ODR4: variants seen among roughly 807,000 people sequenced by gnomAD.
The protein encoded by ODR4 is odr-4 GPCR localization factor homolog, also known as protein odr-4 homolog.
A neutral mutation model predicts 60.2 loss-of-function variants in ODR4; 47 were observed. The ratio of observed to expected loss-of-function variants is 0.78; its 90% confidence interval spans 0.62 to 1.00. The LOEUF (loss-of-function observed/expected upper bound fraction) is 1.00. ODR4 is among the 50% of genes least tolerant of loss of function. The pLI is 0.00. For missense variants in ODR4, 488 were observed against 530.8 expected (o/e 0.92, Z 0.79); for synonymous variants, 178 against 175.5 (o/e 1.01, Z -0.11).
chr1:186,391,031 A>G (rs1002425563), intron 7 of ODR4, among the ~76,000 whole-genome samples, 180 bp downstream of exon 7: 16 of 152,218 alleles, frequency 1.1e-4, no homozygotes, highest in African/African-American at 2.4e-4. Flanking sequence ...TAGAAGTGGA[A>G]CAATGTCATA....
Position 186,394,095 on chromosome 1 carries a change from A to G in ODR4, c.780+80A>G. On this transcript the variant is annotated intron_variant, in intron 9 of 13. Transcript: ENST00000287859. ...TGTTTCTGTTTTTATTTTTCTCATT[A>G]GAGAATAAAAGGATTTTAGAGCTGT... The G allele has an allele frequency of 3.5e-6, 3 of 850,290 alleles. No individual in the cohort carries two copies. The South Asian group carries it at 5.1e-5, about 14-fold the overall frequency. The allele number at this position is 850,290 out of a possible 1,614,324, so 52.7% of individuals were successfully genotyped here.
At chr1:186,377,070 G>A (rs1659804782) in intron 1 of ODR4, among the ~76,000 whole-genome samples, 1 of 152,066 alleles carries the variant, frequency 6.6e-6, no homozygotes, top group South Asian at 2.1e-4. Context: ...TGAAATCCAT[G>A]GATGCTCCAG....
chr1:186,421,057 A>G lies in ODR4; in HGVS notation c.*1981A>G, dbSNP rs1027018335. On this transcript the variant is annotated 3_prime_UTR_variant, in exon 14 of 14. Coordinates refer to ENST00000287859, the MANE Select transcript of ODR4 (RefSeq NM_017847.6). ...CTTAGTAGGCTTCCTAACAGCAACA[A>G]TGTACCCAAAAGAGGGTAGAATTCT... 4.6e-5 allele frequency: 7 copies of G among 152,206 alleles called. No individual in the cohort carries two copies. The highest frequency in any genetic ancestry group is 2.1e-4 in the South Asian group (1 of 4,834). 9.4% of individuals were successfully genotyped at this position (152,206 alleles called of 1,614,324 possible).
chr1:186,395,292 A>G (rs1003066772), intron 9 of ODR4, among the ~76,000 whole-genome samples: 1 of 151,870 alleles, frequency 6.6e-6, no homozygotes. Context: ...GACGGGTTTC[A>G]CTGTGTTAGC....
At chr1:186,434,320 G>C in the ODR4 span, among the ~76,000 whole-genome samples, 3 of 151,880 alleles carry the variant, frequency 2.0e-5, no homozygotes, top group Non-Finnish European at 4.4e-5. Flanking sequence ...TATCTCTTTT[G>C]AATAGCCAAT....
chr1:186,383,006 T>A lies in ODR4; in HGVS notation c.100-16T>A, dbSNP rs1660098994. On this transcript the variant is annotated splice_polypyrimidine_tract_variant and intron_variant, in intron 2 of 13. Coordinates refer to ENST00000287859, the MANE Select transcript of ODR4 (RefSeq NM_017847.6). ...TCAGATATCACTCTAACAAGCTTTTTAATTTGTTGTTGAAGTGTTCGTCAC... is the reference window on the plus strand; with the variant it reads ...TCAGATATCACTCTAACAAGCTTTTAAATTTGTTGTTGAAGTGTTCGTCAC... 6.4e-7 allele frequency: 1 copy of A among 1,573,184 alleles called. No homozygotes were observed. The highest frequency in any genetic ancestry group is 1.4e-5 in the African/African-American group (1 of 73,888).
At chr1:186,409,878 C>T (rs1308774090) in intron 12 of ODR4, among the ~76,000 whole-genome samples, 1 of 151,650 alleles carries the variant, frequency 6.6e-6, no homozygotes, top group Non-Finnish European at 1.5e-5. Context: ...TGTGTAGATA[C>T]TATGTTTTTA....
intron 11 of ODR4, among the ~76,000 whole-genome samples, chr1:186,402,648 T>G (rs1355086653): frequency 6.6e-6 from 1 of 151,190 alleles, no homozygotes; most frequent in Non-Finnish European, 1.5e-5. Flanking sequence ...TGTGCACAGG[T>G]ATGATCATAG....
At chr1:186,391,503 T>C (rs1660467715) in intron 7 of ODR4, among the ~76,000 whole-genome samples, 193 bp from the exon 8 acceptor site, 2 of 151,126 alleles carry the variant, frequency 1.3e-5, no homozygotes, top group East Asian at 4.1e-4. Flanking sequence ...AAAATAACTA[T>C]TATTAAATAT....
the ODR4 span, among the ~76,000 whole-genome samples, chr1:186,434,398 G>T: frequency 1.3e-5 from 2 of 151,926 alleles, no homozygotes; most frequent in Non-Finnish European, 2.9e-5. Context: ...AATCATTTAT[G>T]GTTTTTGTTA....
chr1:186,418,630 T>C (rs1661674966), intron 13 of ODR4, among the ~76,000 whole-genome samples: 1 of 152,238 alleles, frequency 6.6e-6, no homozygotes, highest in African/African-American at 2.4e-5. Flanking sequence ...TATATTATAA[T>C]GATTGAGAAC....
chr1:186,409,676 G>C (rs1225533975), intron 12 of ODR4, among the ~76,000 whole-genome samples: 4 of 152,208 alleles, frequency 2.6e-5, no homozygotes, highest in African/African-American at 9.6e-5. Flanking sequence ...CTCCTGAGTA[G>C]CTGGGATTAC....
intron 12 of ODR4, among the ~76,000 whole-genome samples, chr1:186,407,650 A>G (rs1296797610): frequency 6.6e-6 from 1 of 152,146 alleles, no homozygotes; most frequent in Non-Finnish European, 1.5e-5. Flanking sequence ...AGTAATATGC[A>G]GCAATAAAAC....
chr1:186,390,648 TG>T (rs1660431296), intron 6 of ODR4, 62 bp from the exon 7 acceptor site: 6 of 1,504,510 alleles, frequency 4.0e-6, no homozygotes, highest in African/African-American at 1.4e-5. Flanking sequence ...AATAATGTTT[TG>T]TTGATCCATG....
chr1:186,408,061 GCA>G (rs2102075614), intron 12 of ODR4, among the ~76,000 whole-genome samples: 1 of 152,146 alleles, frequency 6.6e-6, no homozygotes, highest in South Asian at 2.1e-4. Context: ...TATCTGCCAG[GCA>G]CAGTTTTAAG....
the ODR4 span, among the ~76,000 whole-genome samples, chr1:186,426,471 C>G: frequency 1.3e-5 from 2 of 152,182 alleles, no homozygotes; most frequent in Non-Finnish European, 2.9e-5. Flanking sequence ...AGTTTGGCTT[C>G]CCACAGCATG....
rs115984840 is a variant in ODR4 at position 186,408,310 on chromosome 1, G to A, written c.1186+2042G>A. The stretch of plus-strand genomic sequence containing the variant: ...CTTTGTGTAGGAGCTAAATAATGAA[G>A]TATAGTATGATTATTTTCCATGATA... On this transcript the variant is annotated intron_variant, in intron 12 of 13. Transcript: ENST00000287859. Among the ~76,000 whole-genome samples the A allele has an allele frequency of 3.3e-3, 498 of 152,052 alleles. 1 individual carries two copies. Among genetic ancestry groups the A allele is most frequent in the African/African-American group, 0.011 (470 of 41,526 alleles).
chr1:186,401,231 G>C lies in ODR4; in HGVS notation c.1000+2187G>C. ...AAATTAATGGCCCCTAACAGCAGTT[G>C]TACTGTTTGTATGTTAAACTTGATA... On this transcript the variant is annotated intron_variant, in intron 11 of 13. Transcript: ENST00000287859. 8 of 1,428,784 alleles carry C rather than the reference G, an allele frequency of 5.6e-6. No individual in the cohort carries two copies. In the East Asian group the frequency reaches 1.7e-4, roughly 30 times the overall value. The allele number at this position is 1,428,784 out of a possible 1,614,324, so 88.5% of individuals were successfully genotyped here.
chr1:186,387,298 A>G (rs558282942), intron 4 of ODR4, among the ~76,000 whole-genome samples: 1 of 152,256 alleles, frequency 6.6e-6, no homozygotes, highest in South Asian at 2.1e-4. Flanking sequence ...TCTTAAATAA[A>G]TTTACCTTGT....
Sources: allele counts gnomAD v4.1 joint callset (sites outside exome capture counted in the v4.1 genomes callset), GRCh38; gene constraint gnomAD v4.1.1; transcripts MANE v1.5; gene names NCBI Gene and HGNC (gene_info 2026-07-23, HGNC 2026-07-21).